CCSER2: variants seen among roughly 807,000 people sequenced by gnomAD.
CCSER2 encodes the protein coiled-coil serine rich protein 2, also known as serine-rich coiled-coil domain-containing protein 2.
Under a neutral mutation model 92.3 loss-of-function variants are expected in CCSER2, and 46 were observed. The ratio of observed to expected loss-of-function variants is 0.50; its 90% CI spans 0.39 to 0.64. The LOEUF (loss-of-function observed/expected upper bound fraction) is 0.64. Among genes scored for constraint, CCSER2 ranks in the 30% least tolerant of loss-of-function variants. The pLI is 0.00. For missense variants in CCSER2, 1,244 were observed against 1,238.9 expected, an observed-to-expected ratio of 1.00 and a Z score of -0.06; for synonymous variants, 433 against 431.4, an observed-to-expected ratio of 1.00 and a Z score of -0.04.
At chr10:84,436,327 A>AAAAAAAAAAC in intron 5 of CCSER2, among the ~76,000 whole-genome samples, 1 of 103,634 alleles carries the variant, frequency 9.6e-6, no homozygotes, top group African/African-American at 3.5e-5. Context: ...CTCCGTCTCA[A>AAAAAAAAAAC]AAAAAAAAAA....
Position 84,513,994 on chromosome 10 carries a change from T to G in CCSER2, c.2871T>G (p.Asn957Lys). The change falls in exon 10 of 10, where the codon AAT becomes AAG. Residue 957 changes from asparagine to lysine, a missense_variant. Transcript: ENST00000372088. Reference protein sequence around the residue: ...CKKSPIITTCNSAKLQPTSSQ... With the variant: ...CKKSPIITTCKSAKLQPTSSQ... ...AGTCACCAATAATCACAACATGTAA[T>G]TCAGCAAAACTTCAGCCAACATCTA... 4 of 1,536,680 alleles carry G rather than the reference T, an allele frequency of 2.6e-6. No homozygotes were observed. The highest frequency in any genetic ancestry group is 3.5e-6 in the Non-Finnish European group (4 of 1,147,034).
In CCSER2 at chr10:84,514,443, G is replaced by C. The variant is rs1849527209; in HGVS notation, c.*176G>C. On this transcript the variant is annotated 3_prime_UTR_variant, in exon 10 of 10. Transcript: ENST00000372088. ...TCCTTCATTTTATATCCTGGTTGAA[G>C]TACATGCCATTTGAGCATAATTATC... 1.7e-6 allele frequency: 1 copy of C among 582,182 alleles called. No individual in the cohort carries two copies. Among genetic ancestry groups the C allele is most frequent in the African/African-American group, 1.9e-5 (1 of 53,302 alleles). The allele number at this position is 582,182 out of a possible 1,614,324, so 36.1% of individuals were successfully genotyped here. A position where few individuals can be genotyped will look rare whatever the true frequency, so the allele number is the denominator to read the frequency against.
chr10:84,354,271 G>A (rs1171637761), intron 1 of CCSER2, among the ~76,000 whole-genome samples: 1 of 150,674 alleles, frequency 6.6e-6, no homozygotes, highest in Non-Finnish European at 1.5e-5. Context: ...TTTAAATAGG[G>A]TTTGTTTGAA....
At chr10:84,347,176 C>A (rs1315634430) in intron 1 of CCSER2, among the ~76,000 whole-genome samples, 2 of 152,228 alleles carry the variant, frequency 1.3e-5, no homozygotes, top group African/African-American at 4.8e-5. Context: ...CCCATGTCTA[C>A]TTCCTTCCAC....
At chr10:84,449,460 T>C (rs1169994539) in intron 6 of CCSER2, among the ~76,000 whole-genome samples, 1 of 152,220 alleles carries the variant, frequency 6.6e-6, no homozygotes, top group Non-Finnish European at 1.5e-5. Flanking sequence ...GAAAAGTTGC[T>C]TAAACTCTCT....
At chr10:84,464,674 A>G (rs1185658799) in intron 7 of CCSER2, among the ~76,000 whole-genome samples, 2 of 152,202 alleles carry the variant, frequency 1.3e-5, no homozygotes, top group Non-Finnish European at 2.9e-5. Flanking sequence ...TGAAATTTAT[A>G]TTTCACTTAC....
chr10:84,437,710 G>GTTT (rs769780704), intron 5 of CCSER2, among the ~76,000 whole-genome samples: 57 of 126,792 alleles, frequency 4.5e-4, no homozygotes, highest in East Asian at 9.7e-4. Flanking sequence ...TTTTAGAGTA[G>GTTT]TTTTTTTTTT....
chr10:84,429,819 C>T (rs898067337), intron 5 of CCSER2, among the ~76,000 whole-genome samples: 1 of 151,064 alleles, frequency 6.6e-6, no homozygotes, highest in Non-Finnish European at 1.5e-5. Context: ...TCGCTCTGGC[C>T]ACTTAACTAC....
intron 6 of CCSER2, among the ~76,000 whole-genome samples, chr10:84,457,258 AAATATATT>A (rs1564684289): frequency 1.7e-4 from 7 of 42,356 alleles, no homozygotes; most frequent in Admixed American, 7.0e-4. Flanking sequence ...ATATTATATA[AAATATATT>A]ATATATAATA....
chr10:84,484,945 A>G (rs1185079794), intron 9 of CCSER2, among the ~76,000 whole-genome samples: 10 of 152,216 alleles, frequency 6.6e-5, no homozygotes, highest in Admixed American at 6.5e-4. Context: ...TGGATATTAT[A>G]GCAGTTGAGT....
chr10:84,435,003 A>G lies in CCSER2; in HGVS notation c.1869-3509A>G, dbSNP rs542228403. On this transcript the variant is annotated intron_variant, in intron 5 of 9. Transcript: ENST00000372088. ...TATGCTGTGAAACAAATTAAGGATCATAAAATGATAGTTTTATCTAGTTGA... is the reference window on the plus strand; with the variant it reads ...TATGCTGTGAAACAAATTAAGGATCGTAAAATGATAGTTTTATCTAGTTGA... Among the ~76,000 whole-genome samples, 13 of 152,336 alleles carry G rather than the reference A, an allele frequency of 8.5e-5. 1 individual carries two copies. In the South Asian group the frequency reaches 2.7e-3, roughly 32 times the overall value.
At chr10:84,402,609 A>C (rs1842177881) in intron 3 of CCSER2, among the ~76,000 whole-genome samples, 1 of 152,224 alleles carries the variant, frequency 6.6e-6, no homozygotes, top group African/African-American at 2.4e-5. Context: ...AAAATATAAC[A>C]TCAATTAATG....
At chr10:84,397,849 G>GT (rs1322034419) in intron 3 of CCSER2, among the ~76,000 whole-genome samples, 4 of 152,160 alleles carry the variant, frequency 2.6e-5, no homozygotes, top group African/African-American at 7.2e-5. Context: ...TTCAGCCTTT[G>GT]TAAGGCATCA....
At chr10:84,454,673 T>A in intron 6 of CCSER2, 1 of 164,876 alleles carries the variant, frequency 6.1e-6, no homozygotes, top group South Asian at 1.8e-4. Flanking sequence ...AAAGGACTTC[T>A]AAGTCTCAAA....
At position 84,414,557 on chromosome 10, in the gene CCSER2, C is replaced by T. The variant is rs116933572; in HGVS notation, c.1615-3214C>T. On this transcript the variant is annotated intron_variant, in intron 3 of 9. Coordinates refer to ENST00000372088, the MANE Select transcript of CCSER2 (RefSeq NM_001284240.2). ...GGCTTTCCTTTGTAGATGACCTGGT[C>T]TTTGTCTCTGGCTGCCCTTAACATT... Among the ~76,000 whole-genome samples, 1,231 of 151,904 alleles carry T rather than the reference C, an allele frequency of 8.1e-3. 7 individuals carry two copies. The highest frequency in any genetic ancestry group is 0.012 in the Non-Finnish European group (807 of 67,980).
In CCSER2 at chr10:84,515,896, T is replaced by G. The variant is rs1233035794; in HGVS notation, c.*1629T>G. On this transcript the variant is annotated 3_prime_UTR_variant, in exon 10 of 10. Transcript: ENST00000372088. ...CAAACCTAATTATGCTTTGGGTCAC[T>G]TGTCAGTTCAGTAAATCTGCCTTCC... 6.6e-6 allele frequency: 1 copy of G among 152,206 alleles called. No individual in the cohort carries two copies. The highest frequency in any genetic ancestry group is 1.9e-4 in the East Asian group (1 of 5,194). 9.4% of individuals were successfully genotyped at this position (152,206 alleles called of 1,614,324 possible). A position where few individuals can be genotyped will look rare whatever the true frequency, so the allele number is the denominator to read the frequency against.
chr10:84,431,748 TACTG>T (rs1425682353), intron 5 of CCSER2, among the ~76,000 whole-genome samples: 1 of 152,134 alleles, frequency 6.6e-6, no homozygotes, highest in East Asian at 1.9e-4. Context: ...CAAAAAAAAT[TACTG>T]AATAATATTT....
At chr10:84,348,959 C>G (rs1165736955) in intron 1 of CCSER2, among the ~76,000 whole-genome samples, 2 of 151,880 alleles carry the variant, frequency 1.3e-5, no homozygotes, top group Non-Finnish European at 2.9e-5. Context: ...ACATGTATTT[C>G]CCAGTCATAG....
At chr10:84,414,817 C>G in intron 3 of CCSER2, among the ~76,000 whole-genome samples, 1 of 152,086 alleles carries the variant, frequency 6.6e-6, no homozygotes, top group East Asian at 1.9e-4. Context: ...TACATAATTG[C>G]ATATTTTTCA....
Sources: allele counts gnomAD v4.1 joint callset (sites outside exome capture counted in the v4.1 genomes callset), GRCh38; gene constraint gnomAD v4.1.1; transcripts MANE v1.5; gene names NCBI Gene and HGNC (gene_info 2026-07-23, HGNC 2026-07-21).